Variants in C20orf203 observed in about 807,000 individuals in gnomAD.
C20orf203 encodes the protein uncharacterized protein C20orf203.
C20orf203 carries 16 observed loss-of-function variants against 15.9 expected under a neutral mutation model. The observed-to-expected ratio is 1.01, with a 90% confidence interval of 0.68 to 1.53. The LOEUF (loss-of-function observed/expected upper bound fraction) is 1.53, where lower values mean the gene tolerates loss of function less well. C20orf203 is among the 40% of genes most tolerant of loss of function. The pLI is 0.00. For missense variants in C20orf203, 263 were observed against 247.5 expected, an observed-to-expected ratio of 1.06 and a Z score of -0.42; for synonymous variants, 98 against 97.2, an observed-to-expected ratio of 1.01 and a Z score of -0.05.
chr20:32,663,821 C>G (rs1397532460), intron 1 of C20orf203, among the ~76,000 whole-genome samples: 1 of 152,228 alleles, frequency 6.6e-6, no homozygotes, highest in African/African-American at 2.4e-5. Flanking sequence ...CTGCACCACA[C>G]TGTCCCCGGA....
intron 1 of C20orf203, among the ~76,000 whole-genome samples, chr20:32,655,008 C>G (rs934224143): frequency 6.6e-6 from 1 of 151,960 alleles, no homozygotes; most frequent in Non-Finnish European, 1.5e-5. Flanking sequence ...AGAAATAAAC[C>G]CTCACATTTG....
intron 1 of C20orf203, among the ~76,000 whole-genome samples, chr20:32,659,439 G>A (rs1982839428): frequency 6.6e-6 from 1 of 152,230 alleles, no homozygotes; most frequent in Non-Finnish European, 1.5e-5. Flanking sequence ...GCTAGGTGAT[G>A]TACCTGATTC....
At chr20:32,638,453 G>A (rs1289391138) in intron 5 of C20orf203, among the ~76,000 whole-genome samples, 1 of 152,150 alleles carries the variant, frequency 6.6e-6, no homozygotes, top group Admixed American at 6.5e-5. Context: ...GAGGAAGGAG[G>A]ATCAGTGAGG....
chr20:32,662,952 G>GTTT (rs777684329), intron 1 of C20orf203, among the ~76,000 whole-genome samples: 42,725 of 131,296 alleles, frequency 0.33, 7,682 homozygotes, highest in African/African-American at 0.39. Context: ...TATAAATATA[G>GTTT]TTTTTTTTTT....
At position 32,649,399 on chromosome 20, in the gene C20orf203, A is replaced by G. The variant is rs188773427; in HGVS notation, c.*1033T>C. On this transcript the variant is annotated 3_prime_UTR_variant, in exon 4 of 6. Coordinates refer to ENST00000608990, the MANE Select transcript of C20orf203 (RefSeq NM_182584.4). ...ACAAAGCCAAACAAAACCAGACCCA[A>G]CACATAGTAAGCTGTTTAATCCTCA... 3.7e-4 allele frequency: 57 copies of G among 152,528 alleles called. No homozygotes were observed. The highest frequency in any genetic ancestry group is 1.3e-3 in the African/African-American group (52 of 41,574). 9.4% of individuals were successfully genotyped at this position (152,528 alleles called of 1,614,324 possible).
Position 32,650,451 on chromosome 20 carries a change from G to T in C20orf203, c.566C>A (p.Ser189Ter). ...ISKQQFLSNS[S>*]RSLFN ...GCTCGGCTAATTAAACAGCGACCGT[G>T]ATGAATTGGAGAGAAACTGCTGCTT... The change falls in exon 4 of 6, where the codon TCA becomes TAA. Residue 189 changes from serine to a stop codon, truncating the protein, a stop_gained. Transcript: ENST00000608990. LOFTEE classifies it high-confidence loss of function. The T allele has an allele frequency of 6.5e-7, 1 of 1,550,312 alleles. No individual in the cohort carries two copies. The highest frequency in any genetic ancestry group is 1.2e-5 in the South Asian group (1 of 84,034).
rs575831552 is a variant in C20orf203, at chr20:32,644,019, C to T, written c.*1178-3332G>A. ...GGAAGGCCACACCAGGGATACCCCA[C>T]GCCCACGACTGCCCAGCCAGGACTG... On this transcript the variant is annotated intron_variant, in intron 4 of 5. Coordinates refer to ENST00000608990, the MANE Select transcript of C20orf203 (RefSeq NM_182584.4). Among the ~76,000 whole-genome samples, 15 of 152,314 alleles carry T rather than the reference C, an allele frequency of 9.8e-5. No individual in the cohort carries two copies. In the South Asian group the frequency reaches 1.5e-3, roughly 15 times the overall value.
chr20:32,641,900 C>T (rs1265418564), intron 4 of C20orf203, among the ~76,000 whole-genome samples: 6 of 152,152 alleles, frequency 3.9e-5, no homozygotes, highest in Admixed American at 2.0e-4. Flanking sequence ...TGCAGTGACA[C>T]GATCTCGGCT....
rs986957379 is a variant in C20orf203 at position 32,650,495 on chromosome 20, C to G, written c.522G>C (p.Leu174Phe). 1.9e-6 allele frequency: 3 copies of G among 1,550,456 alleles called. No homozygotes were observed. Among genetic ancestry groups the G allele is most frequent in the Non-Finnish European group, 2.6e-6 (3 of 1,146,994 alleles). ...DFCLPSLPGK[L>F]PAPLISKQQF... The stretch of plus-strand genomic sequence containing the variant: ...GCTGCTTGCTAATTAAAGGTGCAGG[C>G]AACTTGCCTGGCAAGGATGGGAGGC... Residue 174 changes from leucine (L) to phenylalanine (F), a missense_variant, in exon 4 of 6, where the codon TTG (leucine) becomes TTC (phenylalanine). Leu to Phe is a conservative substitution (Grantham distance 22, BLOSUM62 0). Transcript: ENST00000608990.
chr20:32,669,867 C>T (rs1449917499), intron 1 of C20orf203, among the ~76,000 whole-genome samples: 3 of 152,192 alleles, frequency 2.0e-5, no homozygotes, highest in Non-Finnish European at 4.4e-5. Flanking sequence ...AGGCAATCTA[C>T]TGAATGGGAG....
intron 5 of C20orf203, among the ~76,000 whole-genome samples, chr20:32,634,803 C>CATATAT (rs141321913): frequency 6.7e-6 from 1 of 149,494 alleles, no homozygotes; most frequent in Non-Finnish European, 1.5e-5. Context: ...CCTACATATG[C>CATATAT]ATATATATAT....
chr20:32,665,811 A>AT (rs869040646), intron 1 of C20orf203, among the ~76,000 whole-genome samples: 20 of 150,934 alleles, frequency 1.3e-4, no homozygotes, highest in South Asian at 6.3e-4. Context: ...TTAAAAAAAA[A>AT]TTTTTTTTTT....
At chr20:32,636,456 CA>C (rs1982141265) in intron 5 of C20orf203, among the ~76,000 whole-genome samples, 1 of 152,180 alleles carries the variant, frequency 6.6e-6, no homozygotes, top group Admixed American at 6.5e-5. Context: ...CCTTTGGCCC[CA>C]GTGGATAACC....
At position 32,662,952 on chromosome 20, in the gene C20orf203, GT is replaced by G. The variant is rs777684329; in HGVS notation, c.-264+10679del. 5.9e-3 allele frequency among the ~76,000 whole-genome samples: 772 copies of G among 131,892 alleles called. 7 individuals are homozygous for G. Among genetic ancestry groups the G allele is most frequent in the African/African-American group, 0.019 (678 of 34,840 alleles). 86.5% of individuals were successfully genotyped at this position (131,892 alleles called of 152,430 possible). A position where few individuals can be genotyped will look rare whatever the true frequency, so the allele number is the denominator to read the frequency against. ...ATATAGATAGATAGATATAAATATA[GT>G]TTTTTTTTTTTTTGAGACAGAGTCT... is the stretch of plus-strand genomic sequence containing the variant. On this transcript the variant is annotated intron_variant, in intron 1 of 5. Transcript: ENST00000608990.
At chr20:32,671,392 A>C (rs920999803) in intron 1 of C20orf203, among the ~76,000 whole-genome samples, 1 of 152,238 alleles carries the variant, frequency 6.6e-6, no homozygotes, top group Non-Finnish European at 1.5e-5. Flanking sequence ...ATATGGATGA[A>C]CTTTGATGAC....
chr20:32,655,217 C>T (rs1600935743), intron 1 of C20orf203, among the ~76,000 whole-genome samples: 1 of 152,176 alleles, frequency 6.6e-6, no homozygotes, highest in Non-Finnish European at 1.5e-5. Context: ...GCAATAGTTT[C>T]ATAAATATGA....
At chr20:32,634,316 G>A (rs1208487937) in intron 5 of C20orf203, 46 bp from the exon 6 acceptor site, 1 of 397,828 alleles carries the variant, frequency 2.5e-6, no homozygotes, top group African/African-American at 2.1e-5. Flanking sequence ...TGGGAGGGGA[G>A]GCGAGAGGTA....
intron 4 of C20orf203, among the ~76,000 whole-genome samples, chr20:32,642,994 G>A (rs530296456): frequency 6.4e-4 from 97 of 152,280 alleles, no homozygotes; most frequent in African/African-American, 2.3e-3. Flanking sequence ...GTGGGCAGGA[G>A]GGCTCACCCA....
At chr20:32,653,240 G>A (rs768565570) in intron 1 of C20orf203, among the ~76,000 whole-genome samples, 2 of 152,168 alleles carry the variant, frequency 1.3e-5, no homozygotes, top group Admixed American at 1.3e-4. Context: ...AAGGCCCAGA[G>A]GGAAGTGACC....
Sources: gnomAD v4.1 joint callset for allele counts (sites outside exome capture counted in the v4.1 genomes callset) on GRCh38, gnomAD v4.1.1 for gene constraint, MANE v1.5 for transcripts, NCBI Gene and HGNC (gene_info 2026-07-23, HGNC 2026-07-21) for gene names.